The following ZFPM1 variants were observed in gnomAD, a reference collection of about 807,000 sequenced individuals.
ZFPM1 encodes zinc finger protein, FOG family member 1, also known as zinc finger protein ZFPM1.
Under a neutral mutation model 46.3 loss-of-function variants are expected in ZFPM1, and 28 were observed. The observed-to-expected ratio is 0.60, with a 90% CI of 0.45 to 0.83. The LOEUF (loss-of-function observed/expected upper bound fraction) is 0.83. ZFPM1 is among the 40% of genes least tolerant of loss of function. The probability of loss-of-function intolerance (pLI) is 0.00; values close to 1 mark genes in which losing one functional copy is unlikely to be tolerated. For synonymous variants in ZFPM1, 957 were observed against 675.9 expected, an observed-to-expected ratio of 1.42 and a Z score of -6.45; for missense variants, 1,878 against 1,432.4, an observed-to-expected ratio of 1.31 and a Z score of -5.02.
rs752126280 is a variant in ZFPM1, at chr16:88,535,027, G to A, written c.*48G>A. Reference sequence around the variant, plus strand: ...CGCTTTGCACGCCCCGCTGCGATGCGGGGAGGGGGCCGCCCCCAGGCCGCA... The same window carrying A: ...CGCTTTGCACGCCCCGCTGCGATGCAGGGAGGGGGCCGCCCCCAGGCCGCA... On this transcript the variant is annotated 3_prime_UTR_variant, in exon 10 of 10. Coordinates refer to ENST00000319555, the MANE Select transcript of ZFPM1 (RefSeq NM_153813.3). The A allele has an allele frequency of 3.7e-6, 5 of 1,355,058 alleles. No individual in the cohort carries two copies. The highest frequency in any genetic ancestry group is 4.8e-6 in the Non-Finnish European group (5 of 1,045,504). 83.9% of individuals were successfully genotyped at this position (1,355,058 alleles called of 1,614,324 possible).
chr16:88,525,205 C>T (rs532201041), intron 4 of ZFPM1, among the ~76,000 whole-genome samples: 5 of 152,208 alleles, frequency 3.3e-5, no homozygotes, highest in South Asian at 2.1e-4. Flanking sequence ...GCAGGGAGGC[C>T]GAGCCTGGCT....
At chr16:88,459,714 CT>C in intron 1 of ZFPM1, among the ~76,000 whole-genome samples, 3 of 87,978 alleles carry the variant, frequency 3.4e-5, no homozygotes, top group African/African-American at 1.4e-4. Context: ...CCCTTCCCCT[CT>C]TCCCCTTCCT....
chr16:88,458,393 C>T (rs1312870812), intron 1 of ZFPM1, among the ~76,000 whole-genome samples: 1 of 152,232 alleles, frequency 6.6e-6, no homozygotes, highest in Non-Finnish European at 1.5e-5. Context: ...CCTGGGACTG[C>T]CGTCAGCCCC....
chr16:88,523,072 G>A (rs1912023883), intron 4 of ZFPM1, among the ~76,000 whole-genome samples: 1 of 152,254 alleles, frequency 6.6e-6, no homozygotes, highest in Non-Finnish European at 1.5e-5. Flanking sequence ...TGGGTGTGGT[G>A]GTGCTTGCCT....
intron 4 of ZFPM1, among the ~76,000 whole-genome samples, chr16:88,518,254 G>A (rs1206410472): frequency 2.0e-5 from 3 of 152,088 alleles, no homozygotes; most frequent in African/African-American, 4.8e-5. Flanking sequence ...GGATGGGTGG[G>A]TGAGTAGATG....
intron 4 of ZFPM1, among the ~76,000 whole-genome samples, chr16:88,519,218 T>C (rs1261504943): frequency 4.8e-5 from 7 of 146,394 alleles, no homozygotes; most frequent in African/African-American, 1.8e-4. Flanking sequence ...GATGGACAGA[T>C]GTGTAGGTAG....
chr16:88,460,915 C>T (rs567174892), intron 1 of ZFPM1, among the ~76,000 whole-genome samples: 4 of 89,398 alleles, frequency 4.5e-5, no homozygotes, highest in Non-Finnish European at 6.4e-5. Context: ...TGGTGAGGAC[C>T]GAGGGGCGGG....
chr16:88,492,722 C>T (rs1175569938), intron 3 of ZFPM1, among the ~76,000 whole-genome samples: 1 of 152,210 alleles, frequency 6.6e-6, no homozygotes, highest in African/African-American at 2.4e-5. Flanking sequence ...CTTGGTGCCT[C>T]TCCCAACAGC....
In ZFPM1 at chr16:88,513,428, A is replaced by G. The variant is rs550656030; in HGVS notation, c.269-959A>G. ...GCCCATTAAGACCACAGCCTGCCCA[A>G]TCGGGGCTCCAGGAAGTGGGGCCGC... On this transcript the variant is annotated intron_variant, in intron 3 of 9. Coordinates refer to ENST00000319555, the MANE Select transcript of ZFPM1 (RefSeq NM_153813.3). 8 of 152,394 alleles carry G rather than the reference A, an allele frequency of 5.2e-5. No individual in the cohort carries two copies. The East Asian group carries it at 7.7e-4, about 15-fold the overall frequency. 9.4% of individuals were successfully genotyped at this position (152,394 alleles called of 1,614,324 possible). A position where few individuals can be genotyped will look rare whatever the true frequency, so the allele number is the denominator to read the frequency against.
chr16:88,513,045 C>T (rs570694688), intron 3 of ZFPM1: 6 of 152,246 alleles, frequency 3.9e-5, no homozygotes, highest in Admixed American at 3.3e-4. Context: ...CTAGCTGGCC[C>T]GTGTGACTGT....
At chr16:88,479,112 G>A (rs1014117577) in intron 1 of ZFPM1, among the ~76,000 whole-genome samples, 2 of 152,218 alleles carry the variant, frequency 1.3e-5, no homozygotes, top group East Asian at 1.9e-4. Flanking sequence ...CAGTCTGGCT[G>A]CTTGATGGAT....
At chr16:88,502,174 G>C (rs1041336002) in intron 3 of ZFPM1, among the ~76,000 whole-genome samples, 1 of 151,606 alleles carries the variant, frequency 6.6e-6, no homozygotes, top group East Asian at 1.9e-4. Flanking sequence ...TACAGCGGCC[G>C]TGGACGCAGC....
At chr16:88,502,400 C>T (rs1910414983) in intron 3 of ZFPM1, among the ~76,000 whole-genome samples, 1 of 152,162 alleles carries the variant, frequency 6.6e-6, no homozygotes, top group Non-Finnish European at 1.5e-5. Flanking sequence ...CACCTCTGCC[C>T]CATAGGCCTG....
intron 1 of ZFPM1, among the ~76,000 whole-genome samples, chr16:88,459,908 A>G (rs1344399561): frequency 6.7e-6 from 1 of 150,198 alleles, no homozygotes; most frequent in African/African-American, 2.5e-5. Context: ...ACAGCCCAGC[A>G]TGTGAAACAC....
chr16:88,532,477 G>GGAA, intron 7 of ZFPM1, 137 bp from the exon 8 acceptor site: 2 of 940,296 alleles, frequency 2.1e-6, no homozygotes, highest in Non-Finnish European at 3.1e-6. Flanking sequence ...CGGAGGAGGA[G>GGAA]GAGGAGGGGT....
chr16:88,486,944 G>T (rs1457240391), intron 2 of ZFPM1, among the ~76,000 whole-genome samples: 1 of 152,172 alleles, frequency 6.6e-6, no homozygotes, highest in Non-Finnish European at 1.5e-5. Flanking sequence ...GGGTCACTCA[G>T]CTCGCAAGTG....
At chr16:88,499,533 C>A (rs560219201) in intron 3 of ZFPM1, among the ~76,000 whole-genome samples, 1 of 152,332 alleles carries the variant, frequency 6.6e-6, no homozygotes, top group Admixed American at 6.5e-5. Context: ...GGACCGCGCA[C>A]GTGGACAGGG....
intron 3 of ZFPM1, among the ~76,000 whole-genome samples, chr16:88,500,572 T>C (rs1470427581): frequency 6.6e-6 from 1 of 152,242 alleles, no homozygotes; most frequent in Non-Finnish European, 1.5e-5. Context: ...TCACTCTGGG[T>C]CATTCTGTCA....
At chr16:88,484,863 G>C (rs993346269) in intron 1 of ZFPM1, among the ~76,000 whole-genome samples, 1 of 152,228 alleles carries the variant, frequency 6.6e-6, no homozygotes, top group Admixed American at 6.5e-5. Context: ...CCCCGCACTT[G>C]GGCCGCGTGG....
Sources: gnomAD v4.1 joint callset for allele counts (sites outside exome capture counted in the v4.1 genomes callset) on GRCh38, gnomAD v4.1.1 for gene constraint, MANE v1.5 for transcripts, NCBI Gene and HGNC (gene_info 2026-07-23, HGNC 2026-07-21) for gene names.